SSBP3: variants seen among roughly 807,000 people sequenced by gnomAD.
SSBP3 encodes single-stranded DNA-binding protein 3.
SSBP3 carries 5 observed loss-of-function variants against 69.6 expected under a neutral mutation model. The ratio of observed to expected loss-of-function variants is 0.07; its 90% CI spans 0.04 to 0.15. The LOEUF is 0.15. SSBP3 is among the 10% of genes least tolerant of loss of function. SSBP3 has a pLI of 1.00. For synonymous variants in SSBP3, 196 were observed against 193.4 expected (o/e 1.01, Z -0.11); for missense variants, 312 against 534.0 (o/e 0.58, Z 4.10).
At chr1:54,240,868 C>T in intron 13 of SSBP3, 37 bp downstream of exon 13, 2 of 1,613,112 alleles carry the variant, frequency 1.2e-6, no homozygotes, top group Non-Finnish European at 1.7e-6. Context: ...CCACCCTCCA[C>T]CACCAGACCC....
chr1:54,353,394 G>A lies in SSBP3; in HGVS notation c.276+48467C>T, dbSNP rs192115123. ...AGAAAATCTTCAGCTCAACACCCCC[G>A]CTCCTGCCCTGTGACTTACACACAT... On this transcript the variant is annotated intron_variant, in intron 4 of 17. Transcript: ENST00000610401. 1.3e-3 allele frequency among the ~76,000 whole-genome samples: 195 copies of A among 152,222 alleles called. 8 individuals carry two copies. The South Asian group carries it at 0.028, about 22-fold the overall frequency.
chr1:54,407,392 G>A (rs182846168), upstream of SSBP3, among the ~76,000 whole-genome samples: 136 of 152,116 alleles, frequency 8.9e-4, no homozygotes, highest in Admixed American at 2.5e-3. Flanking sequence ...CGAGAGTCAG[G>A]CGTAGGGGGA....
intron 4 of SSBP3, among the ~76,000 whole-genome samples, chr1:54,396,078 GC>G (rs1182466920): frequency 1.3e-5 from 2 of 151,466 alleles, no homozygotes; most frequent in African/African-American, 4.9e-5. Flanking sequence ...TGTAATCCCA[GC>G]TACTCAGGAG....
At chr1:54,313,770 CTT>C (rs779040552) in intron 4 of SSBP3, among the ~76,000 whole-genome samples, 7 of 144,722 alleles carry the variant, frequency 4.8e-5, no homozygotes, top group Non-Finnish European at 3.1e-5. Flanking sequence ...AGGATTTTTA[CTT>C]TTTTTTTTTT....
chr1:54,259,886 C>T (rs1246825620), intron 5 of SSBP3, among the ~76,000 whole-genome samples: 1 of 152,222 alleles, frequency 6.6e-6, no homozygotes, highest in Admixed American at 6.5e-5. Context: ...GTCTTTCTAG[C>T]GGCTGCCAGC....
intron 4 of SSBP3, among the ~76,000 whole-genome samples, chr1:54,327,862 G>A (rs10888846): frequency 6.6e-6 from 1 of 151,978 alleles, no homozygotes; most frequent in Non-Finnish European, 1.5e-5. Flanking sequence ...TCCCAGGCAC[G>A]CTCTAGCTGG....
At chr1:54,245,038 C>T (rs991634662) in intron 9 of SSBP3, among the ~76,000 whole-genome samples, 3 of 152,322 alleles carry the variant, frequency 2.0e-5, no homozygotes, top group Admixed American at 6.5e-5. Flanking sequence ...GCACTCACTA[C>T]GCTGGCACTG....
At chr1:54,401,221 A>G (rs1649266595) in intron 4 of SSBP3, among the ~76,000 whole-genome samples, 1 of 152,136 alleles carries the variant, frequency 6.6e-6, no homozygotes. Flanking sequence ...ATCTTAAGAA[A>G]CTCATCCAGG....
rs916348813 is a variant in SSBP3, at chr1:54,373,043, G to A, written c.276+28818C>T. On this transcript the variant is annotated intron_variant, in intron 4 of 17. Transcript: ENST00000610401. ...TGGGAATGATGAAGAGCAAACCAACGGGCTGTGCACGCGTGACTCTGTGTG... is the reference window on the plus strand; with the variant it reads ...TGGGAATGATGAAGAGCAAACCAACAGGCTGTGCACGCGTGACTCTGTGTG... Among the ~76,000 whole-genome samples, 24 of 152,308 alleles carry A rather than the reference G, an allele frequency of 1.6e-4. 1 individual carries two copies. Among genetic ancestry groups the A allele is most frequent in the Admixed American group, 9.2e-4 (14 of 15,294 alleles).
At chr1:54,250,915 G>A (rs1352168179) in intron 9 of SSBP3, among the ~76,000 whole-genome samples, 1 of 152,170 alleles carries the variant, frequency 6.6e-6, no homozygotes, top group Non-Finnish European at 1.5e-5. Context: ...TGGCCACGAG[G>A]GGCAACGACT....
chr1:54,239,047 A>C (rs1379830899), intron 14 of SSBP3, 82 bp downstream of exon 14: 4 of 1,216,442 alleles, frequency 3.3e-6, no homozygotes, highest in Admixed American at 3.6e-5. Flanking sequence ...AAATCAATTA[A>C]ACTTGCTTTC....
In SSBP3 at chr1:54,313,221, A is replaced by C. The variant is rs1646036076; in HGVS notation, c.277-31694T>G. Among the ~76,000 whole-genome samples, 3 of 151,956 alleles carry C rather than the reference A, an allele frequency of 2.0e-5. No individual in the cohort carries two copies. In the South Asian group the frequency reaches 6.2e-4, roughly 32 times the overall value. On this transcript the variant is annotated intron_variant, in intron 4 of 17. Coordinates refer to ENST00000610401, the Ensembl canonical transcript of SSBP3. ...CAGCTGCCCAGGGACCAATCGGGGT[A>C]ATCAATCCTGTTGATATGTTTGTTC...
intron 14 of SSBP3, chr1:54,238,639 C>T (rs1334204416): frequency 3.2e-6 from 1 of 314,258 alleles, no homozygotes; most frequent in Non-Finnish European, 6.6e-6. Flanking sequence ...CTCTGAGAGG[C>T]AAAGAAGCTG....
chr1:54,241,341 C>G, intron 12 of SSBP3, 133 bp downstream of exon 12: 1 of 1,036,142 alleles, frequency 9.7e-7, no homozygotes, highest in Non-Finnish European at 1.5e-6. Context: ...ATATTGACAG[C>G]AAGTTCTAGC....
At chr1:54,272,364 T>A (rs958815767) in intron 5 of SSBP3, among the ~76,000 whole-genome samples, 7 of 151,968 alleles carry the variant, frequency 4.6e-5, no homozygotes, top group African/African-American at 1.7e-4. Flanking sequence ...CACTGTGGCA[T>A]GAGCTTACTC....
intron 13 of SSBP3, among the ~76,000 whole-genome samples, chr1:54,240,045 GGGGTGTGTGTGTGTGTGTGTGT>G (rs1365387788): frequency 2.7e-4 from 18 of 65,460 alleles, no homozygotes; most frequent in African/African-American, 7.0e-4. Context: ...TAATTGTGAT[GGGGTGTGTGTGTGTGTGTGTGT>G]GTGTGTGTGT....
chr1:54,361,166 C>A (rs1178470979), intron 4 of SSBP3, among the ~76,000 whole-genome samples: 1 of 152,162 alleles, frequency 6.6e-6, no homozygotes, highest in African/African-American at 2.4e-5. Flanking sequence ...CCCTCACTCA[C>A]AGAGGGACCT....
At chr1:54,227,718 T>C (rs1177461641) in intron 17 of SSBP3, among the ~76,000 whole-genome samples, 3 of 152,260 alleles carry the variant, frequency 2.0e-5, no homozygotes, top group South Asian at 4.1e-4. Context: ...GCTGGGACTA[T>C]AGGCATGCGA....
chr1:54,362,663 C>T (rs1194143160), intron 4 of SSBP3, among the ~76,000 whole-genome samples: 1 of 152,222 alleles, frequency 6.6e-6, no homozygotes, highest in African/African-American at 2.4e-5. Context: ...GCCTTGAAAG[C>T]ATCTGAAAAT....
Sources: gnomAD v4.1 joint callset for allele counts (sites outside exome capture counted in the v4.1 genomes callset) on GRCh38, gnomAD v4.1.1 for gene constraint, MANE v1.5 for transcripts, NCBI Gene and HGNC (gene_info 2026-07-23, HGNC 2026-07-21) for gene names.